Variants in ACLY observed in about 807,000 individuals in gnomAD.
ACLY encodes the protein ATP citrate lyase.
ACLY carries 41 observed loss-of-function variants against 133.0 expected under a neutral mutation model. The observed-to-expected ratio is 0.31, with a 90% CI of 0.24 to 0.40. ACLY has a LOEUF of 0.40. Ranked by LOEUF, ACLY falls within the 10% of genes least tolerant of loss-of-function variation. The probability of loss-of-function intolerance (pLI) is 1.00; values close to 1 mark genes in which losing one functional copy is unlikely to be tolerated. For synonymous variants in ACLY, 495 were observed against 549.3 expected, an observed-to-expected ratio of 0.90 and a Z score of 1.38; for missense variants, 1,046 against 1,453.8, an observed-to-expected ratio of 0.72 and a Z score of 4.56.
At chr17:41,921,040 C>T (rs912669375), upstream of ACLY, among the ~76,000 whole-genome samples, 12 of 150,188 alleles carry the variant, frequency 8.0e-5, no homozygotes, top group Middle Eastern at 6.9e-3. Flanking sequence ...GCAGGAGAAT[C>T]GCTTGAACCC....
At chr17:41,874,824 C>G (rs892176560) in intron 22 of ACLY, among the ~76,000 whole-genome samples, 1 of 150,794 alleles carries the variant, frequency 6.6e-6, no homozygotes, top group Non-Finnish European at 1.5e-5. Flanking sequence ...CCGCCTGCCT[C>G]GGCCTCCCAA....
intron 10 of ACLY, 90 bp downstream of exon 10, chr17:41,904,639 G>A (rs2049655695): frequency 7.8e-7 from 1 of 1,288,034 alleles, no homozygotes; most frequent in African/African-American, 1.5e-5. Flanking sequence ...ATGGTAACTT[G>A]GCTCTGGCTC....
At chr17:41,877,372 ACCTCAGGTGAT>A (rs1462586309) in intron 22 of ACLY, among the ~76,000 whole-genome samples, 1 of 150,122 alleles carries the variant, frequency 6.7e-6, no homozygotes, top group Non-Finnish European at 1.5e-5. Flanking sequence ...CGAACTTTTG[ACCTCAGGTGAT>A]CCGCCCACCC....
chr17:41,881,998 C>T (rs1317470989), intron 20 of ACLY, among the ~76,000 whole-genome samples: 1 of 152,080 alleles, frequency 6.6e-6, no homozygotes, highest in Non-Finnish European at 1.5e-5. Context: ...AGTTCCACCT[C>T]CTTCTTTGCA....
At chr17:41,914,508 G>A (rs1416094423) in intron 1 of ACLY, among the ~76,000 whole-genome samples, 2 of 152,230 alleles carry the variant, frequency 1.3e-5, no homozygotes, top group East Asian at 1.9e-4. Context: ...CTGGTTAGAA[G>A]GGGAGTAGGG....
At chr17:41,890,852 A>AAC (rs1299434090) in intron 16 of ACLY, among the ~76,000 whole-genome samples, 10 of 149,928 alleles carry the variant, frequency 6.7e-5, no homozygotes, top group Non-Finnish European at 1.0e-4. Context: ...AAAAAAAAAA[A>AAC]AAAAAAAGCC....
At chr17:41,892,154 G>C (rs2049231650) in intron 16 of ACLY, 125 bp downstream of exon 16, 1 of 919,180 alleles carries the variant, frequency 1.1e-6, no homozygotes, top group African/African-American at 1.7e-5. Context: ...GTCCCAGGCA[G>C]CAGTGACGGG....
chr17:41,888,134 A>AAAAAC (rs1371874596), intron 16 of ACLY, among the ~76,000 whole-genome samples: 4 of 152,254 alleles, frequency 2.6e-5, no homozygotes, highest in South Asian at 4.1e-4. Flanking sequence ...TCTCAAAAAC[A>AAAAAC]AAAACAAAAC....
At chr17:41,888,858 T>A (rs2049124691) in intron 16 of ACLY, among the ~76,000 whole-genome samples, 1 of 152,056 alleles carries the variant, frequency 6.6e-6, no homozygotes, top group African/African-American at 2.4e-5. Context: ...GTGGCTCACA[T>A]CTATAATCCC....
At chr17:41,898,974 A>T (rs1479411321) in intron 11 of ACLY, among the ~76,000 whole-genome samples, 189 bp from the exon 12 acceptor site, 2 of 152,216 alleles carry the variant, frequency 1.3e-5, no homozygotes, top group African/African-American at 4.8e-5. Flanking sequence ...CCACTTGCTG[A>T]TAACAAGAAC....
At chr17:41,889,440 A>G (rs1486097285) in intron 16 of ACLY, among the ~76,000 whole-genome samples, 1 of 135,792 alleles carries the variant, frequency 7.4e-6, no homozygotes, top group African/African-American at 2.7e-5. Context: ...AATTGCTTGA[A>G]CCCGGGAGGT....
At chr17:41,910,866 C>T (rs1375015505) in intron 3 of ACLY, among the ~76,000 whole-genome samples, 6 of 152,216 alleles carry the variant, frequency 3.9e-5, no homozygotes, top group African/African-American at 1.4e-4. Context: ...AAACCCCCGC[C>T]TGGCCTGTGC....
chr17:41,872,527 T>C (rs1340533355), intron 23 of ACLY, among the ~76,000 whole-genome samples: 8 of 152,180 alleles, frequency 5.3e-5, no homozygotes, highest in African/African-American at 1.9e-4. Context: ...GATTTTGCTA[T>C]GTTGGCCAGG....
intron 10 of ACLY, chr17:41,904,502 T>C (rs2049651822): frequency 1.8e-6 from 1 of 545,908 alleles, no homozygotes; most frequent in Non-Finnish European, 3.3e-6. Flanking sequence ...GGTGGGAGAG[T>C]TATAGTTCAG....
rs1555626641 is a variant in ACLY, at chr17:41,878,823, G to A, written c.2367C>T (p.Ser789=). The A allele has an allele frequency of 1.9e-6, 3 of 1,614,044 alleles. No individual in the cohort carries two copies. The highest frequency in any genetic ancestry group is 2.2e-5 in the East Asian group (1 of 44,872). ...GGATGATCTCTCCAAGCTCATCAAA[G>A]CTCCGGGGCACAAACACTCCTGCTT... is the stretch of plus-strand genomic sequence containing the variant. ...LKEAGVFVPR[S]FDELGEIIQS... The change falls in exon 21 of 29, where the codon AGC becomes AGT. Residue 789 remains serine, a synonymous_variant. Coordinates refer to ENST00000352035, the MANE Select transcript of ACLY (RefSeq NM_001096.3).
chr17:41,915,751 T>C (rs2050034968), intron 1 of ACLY, among the ~76,000 whole-genome samples: 1 of 151,678 alleles, frequency 6.6e-6, no homozygotes, highest in South Asian at 2.1e-4. Context: ...TTTCCCAATA[T>C]TTTTGACTCA....
intron 21 of ACLY, among the ~76,000 whole-genome samples, chr17:41,878,566 TAGGCTC>T (rs1388424012): frequency 6.6e-6 from 1 of 152,120 alleles, no homozygotes; most frequent in Admixed American, 6.5e-5. Context: ...GCCAAATAGG[TAGGCTC>T]AGAAACTCAA....
intron 20 of ACLY, among the ~76,000 whole-genome samples, chr17:41,882,359 CCT>C (rs1555627461): frequency 8.7e-5 from 2 of 22,988 alleles, no homozygotes; most frequent in East Asian, 2.9e-3. Flanking sequence ...AGAGTGAGAC[CCT>C]GTCTCCAAAA....
upstream of ACLY, among the ~76,000 whole-genome samples, chr17:41,921,406 T>C: frequency 7.1e-6 from 1 of 140,286 alleles, no homozygotes; most frequent in East Asian, 2.1e-4. Context: ...ATCACTTGAG[T>C]CCAGGAGATC....
Sources: allele counts gnomAD v4.1 joint callset (sites outside exome capture counted in the v4.1 genomes callset), GRCh38; gene constraint gnomAD v4.1.1; transcripts MANE v1.5; gene names NCBI Gene and HGNC (gene_info 2026-07-23, HGNC 2026-07-21).